LRRC4C: variants seen among roughly 807,000 people sequenced by gnomAD.
LRRC4C encodes leucine rich repeat containing 4C, also known as leucine-rich repeat-containing protein 4C.
Under a neutral mutation model 33.6 loss-of-function variants are expected in LRRC4C, and 5 were observed. The observed-to-expected ratio is 0.15, with a 90% CI of 0.08 to 0.31. LRRC4C has a LOEUF of 0.31. Among genes scored for constraint, LRRC4C ranks in the 10% least tolerant of loss-of-function variants. LRRC4C has a pLI of 1.00. For missense variants in LRRC4C, 560 were observed against 796.7 expected, an observed-to-expected ratio of 0.70 and a Z score of 3.58; for synonymous variants, 329 against 302.0, an observed-to-expected ratio of 1.09 and a Z score of -0.93.
intron 3 of LRRC4C, among the ~76,000 whole-genome samples, chr11:40,589,602 G>T: frequency 6.6e-6 from 1 of 152,066 alleles, no homozygotes; most frequent in South Asian, 2.1e-4. Flanking sequence ...GCATGATTTT[G>T]CAGTGGCTGG....
At chr11:40,978,177 G>A (rs1852223275) in intron 1 of LRRC4C, among the ~76,000 whole-genome samples, 1 of 152,014 alleles carries the variant, frequency 6.6e-6, no homozygotes, top group Non-Finnish European at 1.5e-5. Context: ...ATCTTCTCCT[G>A]TCTTTATACA....
At chr11:41,263,845 G>A (rs1160832342) in intron 1 of LRRC4C, among the ~76,000 whole-genome samples, 3 of 151,978 alleles carry the variant, frequency 2.0e-5, no homozygotes, top group Non-Finnish European at 4.4e-5. Context: ...AGTATACATA[G>A]GATGACTGAA....
At chr11:41,383,545 G>A (rs529431459) in intron 1 of LRRC4C, among the ~76,000 whole-genome samples, 11 of 151,862 alleles carry the variant, frequency 7.2e-5, no homozygotes, top group African/African-American at 2.7e-4. Flanking sequence ...AATTTCTAGG[G>A]TCATCATTGA....
intron 1 of LRRC4C, among the ~76,000 whole-genome samples, chr11:40,980,479 T>C (rs1262729187): frequency 6.6e-6 from 1 of 152,160 alleles, no homozygotes; most frequent in Non-Finnish European, 1.5e-5. Flanking sequence ...TGAGACCTCC[T>C]AGCATAGTCT....
chr11:41,106,040 A>G (rs1195823196), intron 1 of LRRC4C, among the ~76,000 whole-genome samples: 2 of 152,106 alleles, frequency 1.3e-5, no homozygotes, highest in African/African-American at 4.8e-5. Context: ...ATCAAAAAAC[A>G]CATTTAGCCC....
intron 2 of LRRC4C, among the ~76,000 whole-genome samples, chr11:40,879,610 G>A (rs191125799): frequency 6.6e-6 from 1 of 152,212 alleles, no homozygotes; most frequent in Non-Finnish European, 1.5e-5. Flanking sequence ...CAGATAAAGG[G>A]AGGATGGTAA....
At chr11:41,106,229 T>C (rs71484197) in intron 1 of LRRC4C, among the ~76,000 whole-genome samples, 3 of 151,446 alleles carry the variant, frequency 2.0e-5, no homozygotes, top group Non-Finnish European at 2.9e-5. Context: ...CCATGACTTG[T>C]ATTATCTGTC....
At chr11:40,495,291 G>GC (rs72091259) in intron 3 of LRRC4C, among the ~76,000 whole-genome samples, 32 of 151,494 alleles carry the variant, frequency 2.1e-4, no homozygotes, top group African/African-American at 3.4e-4. Flanking sequence ...CAACCTCTCC[G>GC]CCCCCCCCGC....
chr11:40,931,951 A>G (rs1675442938), intron 2 of LRRC4C, among the ~76,000 whole-genome samples: 1 of 152,152 alleles, frequency 6.6e-6, no homozygotes. Flanking sequence ...GTCATTAATA[A>G]AAAGTTGAGA....
At chr11:41,175,085 C>T (rs1169982107) in intron 1 of LRRC4C, among the ~76,000 whole-genome samples, 3 of 151,702 alleles carry the variant, frequency 2.0e-5, no homozygotes, top group East Asian at 1.9e-4. Flanking sequence ...ATTTTTTCTT[C>T]CTATTCCCAC....
At chr11:40,594,732 T>C (rs16934953) in intron 3 of LRRC4C, among the ~76,000 whole-genome samples, 37,014 of 152,052 alleles carry the variant, frequency 0.24, 4,915 homozygotes, top group East Asian at 0.5. Context: ...TTTGGGACAG[T>C]TTAGGGTGTC....
At chr11:41,096,500 G>T (rs181371178) in intron 1 of LRRC4C, among the ~76,000 whole-genome samples, 18 of 152,274 alleles carry the variant, frequency 1.2e-4, no homozygotes, top group East Asian at 1.9e-4. Flanking sequence ...GCATTCTGGG[G>T]ATAATTGTTG....
Position 40,752,795 on chromosome 11 carries a change from G to C in LRRC4C, c.-406-104517C>G, listed in dbSNP as rs79088442. Among the ~76,000 whole-genome samples, 736 of 152,048 alleles carry C rather than the reference G, an allele frequency of 4.8e-3. 8 individuals carry two copies. Among genetic ancestry groups the C allele is most frequent in the African/African-American group, 0.016 (684 of 41,500 alleles). Reference sequence around the variant, plus strand: ...GAATTTATCCAAAGGAAAATAAGTCGGTATGTTAAAGAATACCTGCACTTG... The same window carrying C: ...GAATTTATCCAAAGGAAAATAAGTCCGTATGTTAAAGAATACCTGCACTTG... On this transcript the variant is annotated intron_variant, in intron 2 of 6. Coordinates refer to ENST00000528697, the MANE Select transcript of LRRC4C (RefSeq NM_001258419.2).
At chr11:40,431,137 T>TAAAA (rs750121954) in intron 3 of LRRC4C, among the ~76,000 whole-genome samples, 10 of 130,954 alleles carry the variant, frequency 7.6e-5, no homozygotes, top group East Asian at 2.1e-4. Context: ...CATTGTACTT[T>TAAAA]AAAAAAAAAA....
intron 2 of LRRC4C, among the ~76,000 whole-genome samples, chr11:40,802,129 A>G (rs1234106005): frequency 6.6e-6 from 1 of 152,220 alleles, no homozygotes; most frequent in Non-Finnish European, 1.5e-5. Context: ...AATTCCAGCT[A>G]CATTCCATTG....
At chr11:40,161,642 C>A (rs991306759) in intron 5 of LRRC4C, among the ~76,000 whole-genome samples, 1 of 152,054 alleles carries the variant, frequency 6.6e-6, no homozygotes, top group Admixed American at 6.5e-5. Context: ...GTAGTCCTAA[C>A]TACTCGGGAG....
Position 41,113,679 on chromosome 11 carries a change from C to T in LRRC4C, c.-495-179956G>A, listed in dbSNP as rs543743365. On this transcript the variant is annotated intron_variant, in intron 1 of 6. Transcript: ENST00000528697. The stretch of plus-strand genomic sequence containing the variant: ...TGAGCCTCTTCCCCAAGCCTTTGGC[C>T]CACTGAAATCAGCACCAAGTTTTCT... 2.6e-5 allele frequency among the ~76,000 whole-genome samples: 4 copies of T among 152,148 alleles called. No homozygotes were observed. In the East Asian group the frequency reaches 7.7e-4, roughly 29 times the overall value.
chr11:41,065,155 G>C (rs1938130769), intron 1 of LRRC4C, among the ~76,000 whole-genome samples: 1 of 152,158 alleles, frequency 6.6e-6, no homozygotes, highest in Non-Finnish European at 1.5e-5. Context: ...GGAACCACTG[G>C]CTTGCAATTC....
At chr11:40,301,781 C>T (rs976379384) in intron 4 of LRRC4C, among the ~76,000 whole-genome samples, 6 of 152,142 alleles carry the variant, frequency 3.9e-5, no homozygotes, top group Non-Finnish European at 7.3e-5. Context: ...TCCAGGCCTC[C>T]AGCTGATTTA....
Sources: gnomAD v4.1 joint callset for allele counts (sites outside exome capture counted in the v4.1 genomes callset) on GRCh38, gnomAD v4.1.1 for gene constraint, MANE v1.5 for transcripts, NCBI Gene and HGNC (gene_info 2026-07-23, HGNC 2026-07-21) for gene names.